The following SCML1 variants were observed in gnomAD, a reference collection of about 807,000 sequenced individuals.
SCML1 encodes Scm polycomb group protein like 1, also known as sex comb on midleg-like protein 1.
For synonymous variants in SCML1, 104 were observed against 103.6 expected (o/e 1.00, Z -0.02); for missense variants, 137 against 258.1 (o/e 0.53, Z 3.22).
At chrX:17,751,300 GGTT>G (rs1415681674) in intron 6 of SCML1, among the ~76,000 whole-genome samples, 26 of 111,931 alleles carry the variant, frequency 2.3e-4, no homozygotes, top group African/African-American at 8.1e-4. Flanking sequence ...AAGATAATGG[GGTT>G]GTTATTGAGA....
At chrX:17,746,170 G>A in intron 4 of SCML1, 72 bp downstream of exon 4, 1 of 569,420 alleles carries the variant, frequency 1.8e-6, no homozygotes, top group East Asian at 3.6e-5. Flanking sequence ...CTCACATAAA[G>A]GGAAAGTGTA....
chrX:17,752,550 CT>C (rs1273700747), intron 7 of SCML1, among the ~76,000 whole-genome samples: 1 of 112,157 alleles, frequency 8.9e-6, no homozygotes, highest in Non-Finnish European at 1.9e-5. Flanking sequence ...GATTTCAGAC[CT>C]TTTCAGATAG....
Position 17,746,014 on chromosome X carries a change from G to T in SCML1, c.118-4G>T. On this transcript the variant is annotated splice_polypyrimidine_tract_variant and splice_region_variant and intron_variant, in intron 3 of 7. Transcript: ENST00000380041. ...ATCATTAACTACTTTTAAAATATTAGCAGGAACCGAATATTGTATCTGACG... is the reference window on the plus strand; with the variant it reads ...ATCATTAACTACTTTTAAAATATTATCAGGAACCGAATATTGTATCTGACG... 3 of 1,144,025 alleles carry T rather than the reference G, an allele frequency of 2.6e-6. No homozygotes were observed. Among genetic ancestry groups the T allele is most frequent in the Non-Finnish European group, 2.4e-6 (2 of 846,031 alleles). 94.3% of individuals were successfully genotyped at this position (1,144,025 alleles called of 1,213,427 possible). A position where few individuals can be genotyped will look rare whatever the true frequency, so the allele number is the denominator to read the frequency against.
chrX:17,739,307 G>A (rs1295638647), intron 1 of SCML1, among the ~76,000 whole-genome samples: 1 of 112,154 alleles, frequency 8.9e-6, no homozygotes, highest in Non-Finnish European at 1.9e-5. Context: ...CTGAGAAAAT[G>A]TTGTAAAGCT....
intron 2 of SCML1, 54 bp from the exon 3 acceptor site, chrX:17,745,402 C>A: frequency 1.3e-6 from 1 of 752,975 alleles, no homozygotes; most frequent in Non-Finnish European, 2.0e-6. Context: ...CTCAACTTTT[C>A]TTTTAGTTCT....
intron 6 of SCML1, among the ~76,000 whole-genome samples, chrX:17,750,990 A>G (rs1021601737): frequency 4.4e-5 from 5 of 112,783 alleles, no homozygotes; most frequent in Non-Finnish European, 9.4e-5. Flanking sequence ...AACTTAGTGT[A>G]GAGCATAGCT....
intron 4 of SCML1, among the ~76,000 whole-genome samples, chrX:17,747,072 C>T (rs748562737): frequency 2.7e-5 from 3 of 111,968 alleles, no homozygotes; most frequent in Non-Finnish European, 5.7e-5. Flanking sequence ...AAGACCTCGC[C>T]ATCCCCTGCC....
chrX:17,750,537 A>G (rs2066698547), intron 6 of SCML1, among the ~76,000 whole-genome samples: 1 of 112,474 alleles, frequency 8.9e-6, no homozygotes, highest in South Asian at 3.7e-4. Flanking sequence ...CAGAATGATG[A>G]CTAACATTTA....
At chrX:17,737,393 C>T (rs2066544356), upstream of SCML1, 1 of 77,958 alleles carries the variant, frequency 1.3e-5, no homozygotes, top group Non-Finnish European at 2.4e-5. Context: ...TGTCAGTGGC[C>T]AGACTCCGAT....
intron 1 of SCML1, among the ~76,000 whole-genome samples, chrX:17,739,848 CAAAAAAAAA>C (rs747850155): frequency 6.1e-5 from 2 of 32,876 alleles, no homozygotes; most frequent in Non-Finnish European, 1.1e-4. Flanking sequence ...GACTCTGTCT[CAAAAAAAAA>C]AAAAAAAAAA....
Position 17,750,308 on chromosome X carries a change from G to A in SCML1, c.703+15G>A. The stretch of plus-strand genomic sequence containing the variant: ...ACCACCTTCAGGTATGCTGGCCCAG[G>A]GAGAGCCCAATTTGGTACATGCCCC... On this transcript the variant is annotated intron_variant, in intron 6 of 7. Transcript: ENST00000380041. 8.4e-7 allele frequency: 1 copy of A among 1,187,557 alleles called. No homozygotes were observed.
intron 1 of SCML1, among the ~76,000 whole-genome samples, chrX:17,738,527 C>A (rs956445053): frequency 8.9e-6 from 1 of 111,940 alleles, no homozygotes; most frequent in African/African-American, 3.3e-5. Flanking sequence ...GCGGTTCTGG[C>A]GGCAAAGGAA....
At chrX:17,742,971 C>T (rs1181565621) in intron 1 of SCML1, among the ~76,000 whole-genome samples, 5 of 111,984 alleles carry the variant, frequency 4.5e-5, no homozygotes, top group African/African-American at 6.5e-5. Flanking sequence ...TTGTGAGATT[C>T]GGCCTTGCTG....
chrX:17,746,040 C>T lies in SCML1; in HGVS notation c.140C>T (p.Ala47Val), dbSNP rs2066639713. The T allele has an allele frequency of 8.5e-7, 1 of 1,181,857 alleles. No homozygotes were observed. The highest frequency in any genetic ancestry group is 1.1e-6 in the Non-Finnish European group (1 of 874,327). The change falls in exon 4 of 8, where the codon GCA (alanine) becomes GTA (valine). Residue 47 changes from alanine (A) to valine (V), a missense_variant. Physicochemically the swap from Ala to Val is moderately conservative, Grantham distance 64. Coordinates refer to ENST00000380041, the MANE Select transcript of SCML1 (RefSeq NM_001037540.3). ...CAGGAACCGAATATTGTATCTGACG[C>T]ATCCTGTAATACTGAAGAGCAACTG... is the stretch of plus-strand genomic sequence containing the variant. The part of the protein sequence containing the change: ...VNKEPNIVSD[A>V]SCNTEEQLKT...
rs1246951959 is a variant in SCML1 at position 17,753,861 on chromosome X, G to A, written c.*469G>A. 9.0e-6 allele frequency: 1 copy of A among 111,311 alleles called. No individual in the cohort carries two copies. Among genetic ancestry groups the A allele is most frequent in the Non-Finnish European group, 1.9e-5 (1 of 53,022 alleles). 9.2% of individuals were successfully genotyped at this position (111,311 alleles called of 1,213,427 possible). ...TGGAGTATTTTATCTGTCTGATGTT[G>A]CAGTATTCTACAAGTTTCCAGAAAG... is the stretch of plus-strand genomic sequence containing the variant. On this transcript the variant is annotated 3_prime_UTR_variant, in exon 8 of 8. Coordinates refer to ENST00000380041, the MANE Select transcript of SCML1 (RefSeq NM_001037540.3).
chrX:17,749,842 T>G, intron 5 of SCML1, 52 bp from the exon 6 acceptor site: 1 of 1,083,375 alleles, frequency 9.2e-7, no homozygotes, highest in Non-Finnish European at 1.2e-6. Flanking sequence ...GCTACTAATT[T>G]TATTTACTTT....
chrX:17,748,953 T>G (rs868219538), intron 4 of SCML1, among the ~76,000 whole-genome samples: 2 of 112,665 alleles, frequency 1.8e-5, no homozygotes, highest in African/African-American at 6.5e-5. Flanking sequence ...CTTTCTGGAG[T>G]GGAACACTCA....
chrX:17,743,617 G>A (rs1007998306), intron 1 of SCML1, among the ~76,000 whole-genome samples: 6 of 111,443 alleles, frequency 5.4e-5, no homozygotes, highest in Non-Finnish European at 7.5e-5. Flanking sequence ...ACTGGTGTTC[G>A]AAACCTGGTG....
chrX:17,744,734 A>G (rs1196440539), intron 2 of SCML1: 1 of 112,433 alleles, frequency 8.9e-6, no homozygotes, highest in African/African-American at 3.2e-5. Flanking sequence ...TTAACTGCCT[A>G]TCAAGAGTCA....
Sources: gnomAD v4.1 joint callset for allele counts (sites outside exome capture counted in the v4.1 genomes callset) on GRCh38, gnomAD v4.1.1 for gene constraint, MANE v1.5 for transcripts, NCBI Gene and HGNC (gene_info 2026-07-23, HGNC 2026-07-21) for gene names.